DCC: variants seen among roughly 807,000 people sequenced by gnomAD.
DCC encodes netrin receptor DCC.
In DCC, 58 loss-of-function variants were observed where a neutral mutation model predicts 172.5. The observed-to-expected ratio is 0.34, with a 90% CI of 0.27 to 0.42. The LOEUF is 0.42. Among genes scored for constraint, DCC ranks in the 10% least tolerant of loss-of-function variants. The probability of loss-of-function intolerance (pLI) is 1.00; values close to 1 mark genes in which losing one functional copy is unlikely to be tolerated. For missense variants in DCC, 1,740 were observed against 1,791.0 expected (o/e 0.97, Z 0.51); for synonymous variants, 709 against 644.5 (o/e 1.10, Z -1.52).
At chr18:53,243,675 G>T (rs887360191) in intron 12 of DCC, among the ~76,000 whole-genome samples, 20 of 152,086 alleles carry the variant, frequency 1.3e-4, no homozygotes, top group African/African-American at 4.8e-4. Context: ...TGAACGCTTG[G>T]AAACTATCAT....
chr18:53,129,937 A>G (rs79652155), intron 7 of DCC, among the ~76,000 whole-genome samples: 1 of 152,128 alleles, frequency 6.6e-6, no homozygotes, highest in Non-Finnish European at 1.5e-5. Flanking sequence ...CTACAACATA[A>G]CTAAAATAAA....
At chr18:53,222,637 C>T (rs565768495) in intron 12 of DCC, among the ~76,000 whole-genome samples, 52 of 151,304 alleles carry the variant, frequency 3.4e-4, no homozygotes, top group South Asian at 2.1e-4. Context: ...CTGCCCGCCT[C>T]GGCCTCCCAA....
At chr18:53,436,373 C>G (rs1599149506) in intron 22 of DCC, among the ~76,000 whole-genome samples, 1 of 152,210 alleles carries the variant, frequency 6.6e-6, no homozygotes, top group Admixed American at 6.5e-5. Context: ...TCTTAAGAAA[C>G]TTGATTACTG....
chr18:53,534,167 A>C lies in DCC; in HGVS notation c.*3514A>C, dbSNP rs1408161592. 3 of 152,242 alleles carry C rather than the reference A, an allele frequency of 2.0e-5. No individual in the cohort carries two copies. Among genetic ancestry groups the C allele is most frequent in the Admixed American group, 1.3e-4 (2 of 15,276 alleles). 9.4% of individuals were successfully genotyped at this position (152,242 alleles called of 1,614,324 possible). A position where few individuals can be genotyped will look rare whatever the true frequency, so the allele number is the denominator to read the frequency against. ...TAGCAGCTGGACTGTAATTACAACA[A>C]AAGGTTACCTCTAAAGATAACATCT... On this transcript the variant is annotated 3_prime_UTR_variant, in exon 29 of 29. Transcript: ENST00000442544.
intron 13 of DCC, among the ~76,000 whole-genome samples, chr18:53,306,719 T>A (rs532741152): frequency 6.6e-6 from 1 of 152,218 alleles, no homozygotes; most frequent in Non-Finnish European, 1.5e-5. Flanking sequence ...ATCAACATTT[T>A]ATGTGATGGT....
chr18:53,446,808 C>T (rs1164760286), intron 22 of DCC, among the ~76,000 whole-genome samples: 1 of 152,038 alleles, frequency 6.6e-6, no homozygotes, highest in Non-Finnish European at 1.5e-5. Flanking sequence ...TAAGAAAGTG[C>T]CCCTTTTTTG....
At chr18:53,473,216 A>C (rs532767780) in intron 25 of DCC, among the ~76,000 whole-genome samples, 36 of 152,358 alleles carry the variant, frequency 2.4e-4, no homozygotes, top group Admixed American at 3.9e-4. Flanking sequence ...TTATATGCTT[A>C]GGCTTTCAAG....
chr18:53,254,261 G>T (rs1419850514), intron 12 of DCC, among the ~76,000 whole-genome samples: 1 of 152,006 alleles, frequency 6.6e-6, no homozygotes, highest in African/African-American at 2.4e-5. Context: ...TTCCTGGAAA[G>T]GTAGGGAATC....
At chr18:52,599,368 T>C (rs2033971748) in intron 1 of DCC, among the ~76,000 whole-genome samples, 1 of 152,134 alleles carries the variant, frequency 6.6e-6, no homozygotes. Flanking sequence ...ATGTGGTCTT[T>C]GTCATAACTA....
chr18:53,172,860 A>G (rs2055034244), intron 8 of DCC, among the ~76,000 whole-genome samples: 1 of 152,076 alleles, frequency 6.6e-6, no homozygotes, highest in Admixed American at 6.6e-5. Flanking sequence ...TTAGAGGAGG[A>G]AGTTCCAGAT....
At chr18:53,404,930 G>A (rs12967910) in intron 19 of DCC, among the ~76,000 whole-genome samples, 64,404 of 151,728 alleles carry the variant, frequency 0.42, 15,439 homozygotes, top group Non-Finnish European at 0.55. Context: ...GGGAGACAAT[G>A]CTTTTGCCTT....
At chr18:52,657,341 A>G (rs1350566427) in intron 1 of DCC, among the ~76,000 whole-genome samples, 3 of 152,190 alleles carry the variant, frequency 2.0e-5, no homozygotes, top group East Asian at 1.9e-4. Flanking sequence ...GCTTCGCCAC[A>G]TGGCTGTGGC....
At chr18:52,987,682 A>G (rs760893040) in intron 5 of DCC, among the ~76,000 whole-genome samples, 1 of 152,160 alleles carries the variant, frequency 6.6e-6, no homozygotes, top group Non-Finnish European at 1.5e-5. Context: ...GTAGTTATTC[A>G]CTTCATCTGT....
chr18:52,869,724 GTC>G (rs2039287326), intron 2 of DCC, among the ~76,000 whole-genome samples: 2 of 152,238 alleles, frequency 1.3e-5, no homozygotes. Context: ...GGGGGCCAAA[GTC>G]TGCTGGCGTG....
intron 9 of DCC, among the ~76,000 whole-genome samples, chr18:53,198,715 C>T (rs888295313): frequency 1.3e-5 from 2 of 152,072 alleles, no homozygotes; most frequent in Admixed American, 1.3e-4. Flanking sequence ...TTCTGAGATA[C>T]AGGTGTTATA....
At chr18:52,436,390 C>G (rs1005245155) in intron 1 of DCC, among the ~76,000 whole-genome samples, 2 of 152,098 alleles carry the variant, frequency 1.3e-5, no homozygotes, top group African/African-American at 4.8e-5. Context: ...ACAAAAGGGC[C>G]CTTTATGCAG....
chr18:53,378,400 G>T (rs73957181), intron 15 of DCC, among the ~76,000 whole-genome samples: 6,494 of 149,806 alleles, frequency 0.043, 453 homozygotes, highest in African/African-American at 0.15. Flanking sequence ...GTTCAATGGC[G>T]ATTGTTGAGT....
At chr18:52,918,018 C>T (rs1369024057) in intron 3 of DCC, among the ~76,000 whole-genome samples, 1 of 151,972 alleles carries the variant, frequency 6.6e-6, no homozygotes, top group Non-Finnish European at 1.5e-5. Context: ...AAACTATTGT[C>T]AAATATGTTT....
At chr18:53,263,614 A>T (rs1032778038) in intron 12 of DCC, among the ~76,000 whole-genome samples, 1 of 152,194 alleles carries the variant, frequency 6.6e-6, no homozygotes, top group Non-Finnish European at 1.5e-5. Flanking sequence ...TAAAATAAGG[A>T]TGCTTGAAAA....
Sources: allele counts gnomAD v4.1 joint callset (sites outside exome capture counted in the v4.1 genomes callset), GRCh38; gene constraint gnomAD v4.1.1; transcripts MANE v1.5; gene names NCBI Gene and HGNC (gene_info 2026-07-23, HGNC 2026-07-21).